GLDN: variants seen among roughly 807,000 people sequenced by gnomAD.
The protein encoded by GLDN is gliomedin.
GLDN carries 47 observed loss-of-function variants against 56.5 expected under a neutral mutation model. The observed-to-expected ratio is 0.83, with a 90% CI of 0.66 to 1.06. The LOEUF (loss-of-function observed/expected upper bound fraction) is 1.06. Ranked by LOEUF, GLDN falls within the 50% of genes least tolerant of loss-of-function variation. The pLI is 0.00. For missense variants in GLDN, 782 were observed against 714.3 expected, an observed-to-expected ratio of 1.09 and a Z score of -1.08; for synonymous variants, 332 against 278.8, an observed-to-expected ratio of 1.19 and a Z score of -1.90.
At chr15:51,401,253 T>C (rs1328398352) in intron 8 of GLDN, among the ~76,000 whole-genome samples, 1 of 152,214 alleles carries the variant, frequency 6.6e-6, no homozygotes, top group African/African-American at 2.4e-5. Context: ...AAGAGGTGAT[T>C]GCCCAAGCGC....
intron 2 of GLDN, among the ~76,000 whole-genome samples, chr15:51,378,464 G>A (rs899109630): frequency 2.0e-5 from 3 of 152,144 alleles, no homozygotes; most frequent in Non-Finnish European, 4.4e-5. Context: ...CTAGAGAAAT[G>A]GATGGATGGA....
In GLDN at chr15:51,383,796, G is replaced by A. The variant is rs553943055; in HGVS notation, c.445G>A (p.Ala149Thr). The A allele has an allele frequency of 2.5e-6, 4 of 1,610,216 alleles. No homozygotes were observed. The highest frequency in any genetic ancestry group is 4.5e-5 in the East Asian group (2 of 44,824). ...GTGTTTTGATGCAGGACCTCCGGGA[G>A]CCGGCGGGTTGCCAGGACACAACGG... ...GPSGPPGPPG[A>T]GGLPGHNGLD... The change falls in exon 4 of 10, where the codon GCC becomes ACC. Residue 149 changes from alanine to threonine, a missense_variant. Physicochemically the swap from Ala to Thr is moderately conservative, Grantham distance 58. Transcript: ENST00000335449.
chr15:51,376,542 ATTTT>A (rs1223480150), intron 1 of GLDN, among the ~76,000 whole-genome samples: 6 of 152,114 alleles, frequency 3.9e-5, no homozygotes, highest in Non-Finnish European at 5.9e-5. Context: ...ATTTTAAAAT[ATTTT>A]CTTTCTTCAA....
At chr15:51,396,433 G>A (rs1299454263) in intron 5 of GLDN, among the ~76,000 whole-genome samples, 1 of 152,188 alleles carries the variant, frequency 6.6e-6, no homozygotes, top group South Asian at 2.1e-4. Flanking sequence ...GGGAGAAGAG[G>A]GTAAGGGGCA....
In GLDN at chr15:51,383,797, C is replaced by T; in HGVS notation, c.446C>T (p.Ala149Val). Residue 149 changes from alanine (A) to valine (V), a missense_variant, in exon 4 of 10, where the codon GCC (alanine) becomes GTC (valine). Ala to Val is a moderately conservative substitution (Grantham distance 64). Coordinates refer to ENST00000335449, the MANE Select transcript of GLDN (RefSeq NM_181789.4). ...GPSGPPGPPG[A>V]GGLPGHNGLD... ...TGTTTTGATGCAGGACCTCCGGGAGCCGGCGGGTTGCCAGGACACAACGGA... is the reference window on the plus strand; with the variant it reads ...TGTTTTGATGCAGGACCTCCGGGAGTCGGCGGGTTGCCAGGACACAACGGA... 2 of 1,609,056 alleles carry T rather than the reference C, an allele frequency of 1.2e-6. No homozygotes were observed. Among genetic ancestry groups the T allele is most frequent in the Non-Finnish European group, 1.7e-6 (2 of 1,178,304 alleles).
At chr15:51,389,202 A>G (rs2037964486) in intron 4 of GLDN, among the ~76,000 whole-genome samples, 1 of 152,028 alleles carries the variant, frequency 6.6e-6, no homozygotes, top group African/African-American at 2.4e-5. Context: ...GGTTTTAAAT[A>G]CTCCACTATA....
intron 1 of GLDN, among the ~76,000 whole-genome samples, chr15:51,359,275 G>A (rs1408916839): frequency 6.6e-6 from 1 of 152,226 alleles, no homozygotes; most frequent in South Asian, 2.1e-4. Flanking sequence ...TGATGGATAT[G>A]TAGACGTCTT....
intron 1 of GLDN, among the ~76,000 whole-genome samples, chr15:51,367,717 G>A (rs1001750979): frequency 3.3e-5 from 5 of 152,182 alleles, no homozygotes; most frequent in Admixed American, 3.3e-4. Flanking sequence ...TTTCCCCATT[G>A]CATTGCATTT....
At chr15:51,408,089 G>T (rs906397935), downstream of GLDN, 1 of 152,182 alleles carries the variant, frequency 6.6e-6, no homozygotes. Context: ...CAATATTGTG[G>T]TAGAATTATA....
downstream of GLDN, among the ~76,000 whole-genome samples, chr15:51,409,314 T>C (rs932428625): frequency 5.9e-5 from 9 of 152,200 alleles, no homozygotes; most frequent in African/African-American, 1.9e-4. Flanking sequence ...TAGAAGTGCC[T>C]GTTACTGGAC....
intron 1 of GLDN, among the ~76,000 whole-genome samples, chr15:51,365,761 C>A (rs546447772): frequency 6.6e-6 from 1 of 151,986 alleles, no homozygotes. Flanking sequence ...GCAGTCAAAT[C>A]CGTAAAATCT....
rs10468003 is a variant in GLDN, at chr15:51,395,077, T to C, written c.688+96T>C. 4.5e-3 allele frequency: 5,506 copies of C among 1,235,176 alleles called. 168 individuals carry two copies. In the African/African-American group the frequency reaches 0.074, roughly 17 times the overall value. 76.5% of individuals were successfully genotyped at this position (1,235,176 alleles called of 1,614,324 possible). A position where few individuals can be genotyped will look rare whatever the true frequency, so the allele number is the denominator to read the frequency against. On this transcript the variant is annotated intron_variant, in intron 5 of 9. Coordinates refer to ENST00000335449, the MANE Select transcript of GLDN (RefSeq NM_181789.4). ...GGGCTGCTCCTGTGTCTTCTCTCCT[T>C]TATGGCCTTATGTGGCCATCTGTTT...
In GLDN at chr15:51,376,400, A is replaced by G. The variant is rs1037392128; in HGVS notation, c.364-1049A>G. On this transcript the variant is annotated intron_variant, in intron 1 of 9. Coordinates refer to ENST00000335449, the MANE Select transcript of GLDN (RefSeq NM_181789.4). ...TCACCTGTATAGGACACTTACCATGAATGGAGCTACAGAACTGGGGTAGCT... is the reference window on the plus strand; with the variant it reads ...TCACCTGTATAGGACACTTACCATGGATGGAGCTACAGAACTGGGGTAGCT... 6.6e-5 allele frequency among the ~76,000 whole-genome samples: 10 copies of G among 152,250 alleles called. 1 individual carries two copies. The highest frequency in any genetic ancestry group is 5.9e-4 in the Admixed American group (9 of 15,288).
chr15:51,383,684 A>G (rs1595826260), intron 3 of GLDN, 101 bp from the exon 4 acceptor site: 1 of 421,488 alleles, frequency 2.4e-6, no homozygotes, highest in South Asian at 3.7e-5. Context: ...AAAGGAATTG[A>G]TGCCTGCTCA....
Position 51,394,919 on chromosome 15 carries a change from C to T in GLDN, c.626C>T (p.Pro209Leu). 6.2e-7 allele frequency: 1 copy of T among 1,612,636 alleles called. No homozygotes were observed. Among genetic ancestry groups the T allele is most frequent in the East Asian group, 2.2e-5 (1 of 44,818 alleles). ...GELGLQGNEGPPGQKGEKGDK... is the reference protein window; with the variant it reads ...GELGLQGNEGLPGQKGEKGDK... ...CTGGGCCTGCAGGGAAATGAGGGCC[C>T]ACCAGGGCAGAAGGGAGAAAAGGGT... The change falls in exon 5 of 10, where the codon CCA (proline) becomes CTA (leucine). Residue 209 changes from proline to leucine, a missense_variant. Transcript: ENST00000335449.
At chr15:51,402,743 G>A (rs1434498039) in intron 9 of GLDN, among the ~76,000 whole-genome samples, 1 of 152,168 alleles carries the variant, frequency 6.6e-6, no homozygotes, top group African/African-American at 2.4e-5. Context: ...AATGGGGCGA[G>A]TTTCCTAGTG....
At chr15:51,408,002 C>T (rs981252692), downstream of GLDN, 2 of 152,220 alleles carry the variant, frequency 1.3e-5, no homozygotes, top group Non-Finnish European at 2.9e-5. Context: ...TGAGCACAAT[C>T]ACATGTTGAA....
At position 51,405,377 on chromosome 15, in the gene GLDN, GTTTTTTTTTT is replaced by G. The variant is rs5812554; in HGVS notation, c.*635_*644del. On this transcript the variant is annotated 3_prime_UTR_variant, in exon 10 of 10. Transcript: ENST00000335449. ...AAGCCAGGGACAGCTACATGTTCAG[GTTTTTTTTTT>G]TTTTTTTTTTTCAATAAGCTATTTT... 2 of 106,150 alleles carry G rather than the reference GTTTTTTTTTT, an allele frequency of 1.9e-5. No homozygotes were observed. Among genetic ancestry groups the G allele is most frequent in the South Asian group, 6.5e-4 (2 of 3,074 alleles). The allele number at this position is 106,150 out of a possible 1,614,324, so 6.6% of individuals were successfully genotyped here. A position where few individuals can be genotyped will look rare whatever the true frequency, so the allele number is the denominator to read the frequency against.
chr15:51,384,128 G>C, intron 4 of GLDN: 1 of 513,310 alleles, frequency 1.9e-6, no homozygotes, highest in Non-Finnish European at 3.5e-6. Context: ...GAACTGACTC[G>C]CACCCTTCTG....
Sources: allele counts gnomAD v4.1 joint callset (sites outside exome capture counted in the v4.1 genomes callset), GRCh38; gene constraint gnomAD v4.1.1; transcripts MANE v1.5; gene names NCBI Gene and HGNC (gene_info 2026-07-23, HGNC 2026-07-21).